The following LUZP1 variants were observed in gnomAD, a reference collection of about 807,000 sequenced individuals.
LUZP1 encodes leucine zipper protein 1, also known as filamin mechanobinding actin cross-linking protein.
Under a neutral mutation model 71.3 loss-of-function variants are expected in LUZP1, and 25 were observed. The observed-to-expected ratio is 0.35, with a 90% CI of 0.26 to 0.49. The LOEUF (loss-of-function observed/expected upper bound fraction) is 0.49, where lower values mean the gene tolerates loss of function less well. Ranked by LOEUF, LUZP1 falls within the 20% of genes least tolerant of loss-of-function variation. LUZP1 has a pLI of 0.99. For synonymous variants in LUZP1, 481 were observed against 506.4 expected (o/e 0.95, Z 0.67); for missense variants, 1,142 against 1,300.8 (o/e 0.88, Z 1.88).
chr1:23,092,094 G>A, exon 4 of LUZP1: 1 of 1,614,144 alleles, frequency 6.2e-7, no homozygotes, highest in Non-Finnish European at 8.5e-7. Flanking sequence ...ATTGGTGGAG[G>A]CTCTGACAGA....
At chr1:23,155,031 T>C (rs946282553) in intron 2 of LUZP1, among the ~76,000 whole-genome samples, 1 of 152,100 alleles carries the variant, frequency 6.6e-6, no homozygotes, top group African/African-American at 2.4e-5. Context: ...ACAGAAAATA[T>C]TTTCGCATAT....
At chr1:23,135,366 C>G (rs1385066447) in intron 2 of LUZP1, among the ~76,000 whole-genome samples, 1 of 152,148 alleles carries the variant, frequency 6.6e-6, no homozygotes. Flanking sequence ...ACTATGGATT[C>G]CTTAGGAATA....
chr1:23,163,665 G>A (rs1644487428), intron 2 of LUZP1, among the ~76,000 whole-genome samples: 1 of 151,802 alleles, frequency 6.6e-6, no homozygotes, highest in Non-Finnish European at 1.5e-5. Context: ...AATTAAGAAA[G>A]TCATAGATGA....
chr1:23,097,315 C>A (rs540621448), intron 3 of LUZP1, among the ~76,000 whole-genome samples: 1 of 152,216 alleles, frequency 6.6e-6, no homozygotes, highest in South Asian at 2.1e-4. Context: ...TCAGCAGAAA[C>A]TTTTAAGTAG....
At chr1:23,105,920 T>G (rs1643977677) in intron 3 of LUZP1, among the ~76,000 whole-genome samples, 1 of 152,220 alleles carries the variant, frequency 6.6e-6, no homozygotes, top group Non-Finnish European at 1.5e-5. Flanking sequence ...TGTTAGCACT[T>G]AAGACACATT....
At chr1:23,113,878 CAAAAAAAGAAAAA>C (rs1196402593) in intron 2 of LUZP1, among the ~76,000 whole-genome samples, 5 of 106,866 alleles carry the variant, frequency 4.7e-5, no homozygotes, top group African/African-American at 7.1e-5. Flanking sequence ...GACTCCGTCT[CAAAAAAAGAAAAA>C]AAAAAAAGAA....
At position 23,093,750 on chromosome 1, in the gene LUZP1, C is replaced by T. The variant is rs781437738; in HGVS notation, c.512G>A (p.Arg171His). 1.6e-5 allele frequency: 26 copies of T among 1,613,608 alleles called. No individual in the cohort carries two copies. Among genetic ancestry groups the T allele is most frequent in the Non-Finnish European group, 2.0e-5 (24 of 1,180,040 alleles). Residue 171 changes from arginine to histidine, a missense_variant, in exon 4 of 5, where the codon CGC becomes CAC. By Grantham distance (29) the Arg-to-His change is conservative. Coordinates refer to ENST00000302291, the Ensembl canonical transcript of LUZP1. This position sits in a 1 kb window ranked among gnomAD's most constrained non-coding sequence, Gnocchi z 4.2. Reference sequence around the variant, plus strand: ...TAAACTCTGCTCAGTTTTATCCAGGCGGTCCTCAGAAGATTCTAGTTCTTT... The same window carrying T: ...TAAACTCTGCTCAGTTTTATCCAGGTGGTCCTCAGAAGATTCTAGTTCTTT...
chr1:23,117,519 CGGGG>C (rs71575742), intron 2 of LUZP1, among the ~76,000 whole-genome samples: 678 of 31,024 alleles, frequency 0.022, 24 homozygotes, highest in Non-Finnish European at 0.029. Context: ...GGGGGGGGGG[CGGGG>C]GGGGGGAACA....
chr1:23,089,756 CT>C lies in LUZP1; in HGVS notation c.3073-704del, dbSNP rs10559844. On this transcript the variant is annotated intron_variant, in intron 4 of 4. Coordinates refer to ENST00000302291, the Ensembl canonical transcript of LUZP1. ...TACAAGCACGCACCACCACACCTGG[CT>C]TTTTTTTTTTTTCTTTTTTTGAGAC... 1.4e-3 allele frequency among the ~76,000 whole-genome samples: 203 copies of C among 146,692 alleles called. 1 individual carries two copies. Among genetic ancestry groups the C allele is most frequent in the South Asian group, 9.2e-3 (42 of 4,548 alleles).
chr1:23,094,439 C>G lies in LUZP1; in HGVS notation c.-119-59G>C, dbSNP rs993078489. ...CAAATGTAAAACCTGCACGTTAGCT[C>G]CCAGTTATAGAAAAGTGCTCCTATC... On this transcript the variant is annotated intron_variant, in intron 3 of 4. Coordinates refer to ENST00000302291, the Ensembl canonical transcript of LUZP1. The surrounding 1 kb of genome is among the most constrained non-coding windows in gnomAD (Gnocchi z 4.7). 7.8e-7 allele frequency: 1 copy of G among 1,285,448 alleles called. No individual in the cohort carries two copies. Among genetic ancestry groups the G allele is most frequent in the Middle Eastern group, 2.8e-4 (1 of 3,576 alleles). 79.6% of individuals were successfully genotyped at this position (1,285,448 alleles called of 1,614,324 possible).
intron 2 of LUZP1, among the ~76,000 whole-genome samples, chr1:23,130,096 G>A (rs1046894124): frequency 2.6e-5 from 4 of 152,114 alleles, no homozygotes; most frequent in African/African-American, 9.7e-5. Context: ...ATTTCCTGAA[G>A]ACAAATTACT....
intron 3 of LUZP1, among the ~76,000 whole-genome samples, chr1:23,096,466 A>G (rs1643892778): frequency 6.6e-6 from 1 of 152,212 alleles, no homozygotes; most frequent in South Asian, 2.1e-4. Context: ...AGAGTTGATT[A>G]AAGATATGGA....
chr1:23,144,428 C>T (rs1023836388), intron 2 of LUZP1, among the ~76,000 whole-genome samples: 2 of 152,150 alleles, frequency 1.3e-5, no homozygotes, highest in African/African-American at 4.8e-5. Context: ...GAAACTGACA[C>T]ACAACAAAAG....
At chr1:23,157,193 G>A (rs1319496795) in intron 2 of LUZP1, among the ~76,000 whole-genome samples, 1 of 152,166 alleles carries the variant, frequency 6.6e-6, no homozygotes, top group Non-Finnish European at 1.5e-5. Context: ...ATTAGTAGAT[G>A]TGGTAGTGCG....
intron 2 of LUZP1, among the ~76,000 whole-genome samples, chr1:23,149,514 G>A (rs566810945): frequency 7.2e-5 from 11 of 152,194 alleles, no homozygotes; most frequent in East Asian, 3.9e-4. Context: ...ATATTGCAGC[G>A]ATATTAAGGA....
intron 2 of LUZP1, among the ~76,000 whole-genome samples, chr1:23,123,027 A>C (rs967042060): frequency 4.6e-5 from 7 of 152,318 alleles, no homozygotes; most frequent in African/African-American, 1.4e-4. Flanking sequence ...AAGTCAGCTA[A>C]ATGCTTTTCA....
At chr1:23,138,697 GTATA>G (rs59486855) in intron 2 of LUZP1, among the ~76,000 whole-genome samples, 31,308 of 134,788 alleles carry the variant, frequency 0.23, 3,965 homozygotes, top group African/African-American at 0.34. Flanking sequence ...GTGTGTGTGT[GTATA>G]TATATATATA....
intron 2 of LUZP1, among the ~76,000 whole-genome samples, chr1:23,161,206 A>C (rs979107628): frequency 1.3e-5 from 2 of 152,216 alleles, no homozygotes; most frequent in Non-Finnish European, 2.9e-5. Flanking sequence ...CTTTCATGGA[A>C]TCTAGCAGGG....
In LUZP1 at chr1:23,093,066, C is replaced by T. The variant is rs376982587; in HGVS notation, c.1196G>A (p.Arg399Gln). Residue 399 changes from arginine to glutamine, a missense_variant, in exon 4 of 5, where the codon CGG (arginine) becomes CAG (glutamine). Physicochemically the swap from Arg to Gln is conservative, Grantham distance 43. Transcript: ENST00000302291. This position sits in a 1 kb window ranked among gnomAD's most constrained non-coding sequence, Gnocchi z 4.2. ...AAACTCCCTGTTCCGGAGTCGTTCC[C>T]GCTTATGCTGAGGAGACAGTTCCCG... 181 of 1,613,972 alleles carry T rather than the reference C, an allele frequency of 1.1e-4. No individual in the cohort carries two copies. Among genetic ancestry groups the T allele is most frequent in the Non-Finnish European group, 1.4e-4 (168 of 1,179,994 alleles).
Sources: gnomAD v4.1 joint callset for allele counts (sites outside exome capture counted in the v4.1 genomes callset) on GRCh38, gnomAD v4.1.1 for gene constraint, Gnocchi (gnomAD v3.1) non-coding constraint, MANE v1.5 for transcripts, NCBI Gene and HGNC (gene_info 2026-07-23, HGNC 2026-07-21) for gene names.